The following RYR2 variants were observed in gnomAD, a reference collection of about 807,000 sequenced individuals.
The protein encoded by RYR2 is ryanodine receptor 2.
In RYR2, 227 loss-of-function variants were observed where a neutral mutation model predicts 601.1. The observed-to-expected ratio is 0.38, with a 90% confidence interval of 0.34 to 0.42. The LOEUF (loss-of-function observed/expected upper bound fraction) is 0.42, where lower values mean the gene tolerates loss of function less well. Ranked by LOEUF, RYR2 falls within the 10% of genes least tolerant of loss-of-function variation. The pLI is 1.00. For synonymous variants in RYR2, 2,223 were observed against 2,175.1 expected (o/e 1.02, Z -0.61); for missense variants, 4,646 against 6,156.5 (o/e 0.75, Z 8.21).
intron 17 of RYR2, among the ~76,000 whole-genome samples, chr1:237,486,721 T>C (rs1662726997): frequency 6.6e-6 from 1 of 152,172 alleles, no homozygotes; most frequent in Non-Finnish European, 1.5e-5. Context: ...ATACGTTTCT[T>C]ACTATAAAAG....
At chr1:237,266,386 A>C (rs1689062578) in intron 1 of RYR2, among the ~76,000 whole-genome samples, 1 of 152,098 alleles carries the variant, frequency 6.6e-6, no homozygotes, top group Admixed American at 6.6e-5. Context: ...GCATGTACAC[A>C]ATATCCTCAT....
chr1:237,733,904 T>C (rs1690911908), intron 79 of RYR2, 148 bp downstream of exon 79: 3 of 663,878 alleles, frequency 4.5e-6, no homozygotes, highest in Non-Finnish European at 7.9e-6. Context: ...TGGCAGGTCA[T>C]CATTGTTTCC....
intron 36 of RYR2, among the ~76,000 whole-genome samples, chr1:237,611,626 G>C (rs1445514140): frequency 2.0e-5 from 3 of 152,080 alleles, no homozygotes; most frequent in Non-Finnish European, 4.4e-5. Flanking sequence ...TTATCAATAA[G>C]GAGCTAAGTT....
chr1:237,650,900 T>C (rs1682662778), intron 50 of RYR2, among the ~76,000 whole-genome samples: 1 of 152,242 alleles, frequency 6.6e-6, no homozygotes, highest in African/African-American at 2.4e-5. Context: ...TCACAGATAT[T>C]TTCTAAGTAT....
chr1:237,390,534 ATT>A (rs1702290869), intron 10 of RYR2, among the ~76,000 whole-genome samples: 1 of 152,180 alleles, frequency 6.6e-6, no homozygotes, highest in Non-Finnish European at 1.5e-5. Context: ...GTCTGTTGCT[ATT>A]ATTTAGTCTG....
chr1:237,297,106 C>A (rs993644730), intron 2 of RYR2, among the ~76,000 whole-genome samples: 12 of 151,954 alleles, frequency 7.9e-5, no homozygotes, highest in Non-Finnish European at 1.5e-4. Flanking sequence ...GTAAAAGGAA[C>A]AAAACAGTTG....
intron 71 of RYR2, among the ~76,000 whole-genome samples, chr1:237,716,070 A>G (rs1462275451): frequency 6.6e-6 from 1 of 152,106 alleles, no homozygotes; most frequent in Non-Finnish European, 1.5e-5. Flanking sequence ...TCTTACTGCT[A>G]TGGTTCAGAA....
At chr1:237,069,507 T>C (rs1572522062) in intron 1 of RYR2, among the ~76,000 whole-genome samples, 2 of 152,168 alleles carry the variant, frequency 1.3e-5, no homozygotes, top group East Asian at 1.9e-4. Context: ...TCCAGATGAC[T>C]GAAAGTAGTT....
chr1:237,434,008 C>T (rs980226375), intron 12 of RYR2, among the ~76,000 whole-genome samples: 15 of 152,098 alleles, frequency 9.9e-5, no homozygotes, highest in Admixed American at 4.6e-4. Context: ...TTTTCTAGGT[C>T]AGTTGCAAAT....
chr1:237,673,904 C>T (rs1685168162), intron 58 of RYR2, among the ~76,000 whole-genome samples, 192 bp from the exon 59 acceptor site: 1 of 152,278 alleles, frequency 6.6e-6, no homozygotes, highest in African/African-American at 2.4e-5. Context: ...GGCATATGCA[C>T]AGTCTTTCTG....
chr1:237,402,081 A>G (rs1572157713), intron 10 of RYR2, among the ~76,000 whole-genome samples: 1 of 152,194 alleles, frequency 6.6e-6, no homozygotes, highest in South Asian at 2.1e-4. Flanking sequence ...AGACACACAG[A>G]TAATGGAGTT....
At position 237,795,270 on chromosome 1, in the gene RYR2, A is replaced by G; in HGVS notation, c.13914-19A>G. 8.2e-7 allele frequency: 1 copy of G among 1,219,782 alleles called. No homozygotes were observed. Among genetic ancestry groups the G allele is most frequent in the Non-Finnish European group, 1.2e-6 (1 of 869,262 alleles). 75.6% of individuals were successfully genotyped at this position (1,219,782 alleles called of 1,614,324 possible). On this transcript the variant is annotated intron_variant, in intron 95 of 104. Transcript: ENST00000366574. ...ATTAAAAATAATACTATTTACTTCT[A>G]TGCTTTTGTATATTTTAGGTCATTT...
At chr1:237,623,910 T>G (rs748567666) in intron 39 of RYR2, 40 bp downstream of exon 39, 1 of 1,329,944 alleles carries the variant, frequency 7.5e-7, no homozygotes, top group Non-Finnish European at 1.1e-6. Context: ...TAATTGTATG[T>G]TTTTAATCCA....
At chr1:237,623,690 C>T (rs1679341607) in intron 38 of RYR2, 75 bp from the exon 39 acceptor site, 2 of 929,140 alleles carry the variant, frequency 2.2e-6, no homozygotes, top group East Asian at 4.9e-5. Context: ...CTCCGCCCGG[C>T]CCTGCTGTGC....
At chr1:237,799,059 CCTAT>C (rs1374196646) in intron 97 of RYR2, among the ~76,000 whole-genome samples, 2 of 152,166 alleles carry the variant, frequency 1.3e-5, no homozygotes, top group African/African-American at 4.8e-5. Flanking sequence ...GTTTAGCTGG[CCTAT>C]CTCATTGGTC....
intron 3 of RYR2, among the ~76,000 whole-genome samples, chr1:237,333,906 C>A (rs1338840471): frequency 1.3e-5 from 2 of 152,136 alleles, no homozygotes; most frequent in African/African-American, 4.8e-5. Context: ...AACAGTGAGT[C>A]AAAAAGAACC....
chr1:237,236,624 A>G (rs568520343), intron 1 of RYR2, among the ~76,000 whole-genome samples: 1 of 152,360 alleles, frequency 6.6e-6, no homozygotes, highest in African/African-American at 2.4e-5. Flanking sequence ...TATTAAAAAT[A>G]AATAACAAAA....
intron 22 of RYR2, 52 bp downstream of exon 22, chr1:237,503,557 C>T (rs1033926212): frequency 7.7e-6 from 12 of 1,566,212 alleles, no homozygotes; most frequent in Non-Finnish European, 9.6e-6. Context: ...CATGCTGATA[C>T]ACAGTGGCTT....
chr1:237,118,213 T>C (rs1047715151), intron 1 of RYR2, among the ~76,000 whole-genome samples: 2 of 152,156 alleles, frequency 1.3e-5, no homozygotes, highest in South Asian at 4.1e-4. Flanking sequence ...TTTGAGAATT[T>C]TTTTTTGGAG....
Sources: gnomAD v4.1 joint callset for allele counts (sites outside exome capture counted in the v4.1 genomes callset) on GRCh38, gnomAD v4.1.1 for gene constraint, MANE v1.5 for transcripts, NCBI Gene and HGNC (gene_info 2026-07-23, HGNC 2026-07-21) for gene names.